Variants in API5 observed in about 807,000 individuals in gnomAD.
The protein encoded by API5 is apoptosis inhibitor 5, also known as FIF.
API5 carries 6 observed loss-of-function variants against 71.9 expected under a neutral mutation model. That is an observed-to-expected ratio of 0.08 (90% CI 0.05 to 0.16). The LOEUF (loss-of-function observed/expected upper bound fraction) is 0.16. Among genes scored for constraint, API5 ranks in the 10% least tolerant of loss-of-function variants. API5 has a pLI of 1.00. For missense variants in API5, 332 were observed against 612.8 expected (o/e 0.54, Z 4.84); for synonymous variants, 189 against 221.3 (o/e 0.85, Z 1.30).
At chr11:43,342,159 C>T (rs758408196) in intron 13 of API5, among the ~76,000 whole-genome samples, 6 of 152,124 alleles carry the variant, frequency 3.9e-5, no homozygotes, top group Admixed American at 2.6e-4. Context: ...GTGTAGTTAT[C>T]GTAACATCAC....
At chr11:43,338,952 G>C (rs1855525010) in intron 13 of API5, among the ~76,000 whole-genome samples, 1 of 152,102 alleles carries the variant, frequency 6.6e-6, no homozygotes. Flanking sequence ...GCCCACAAAA[G>C]GCTACTGCAC....
chr11:43,323,427 C>T lies in API5; in HGVS notation c.544-3C>T, dbSNP rs1483984872. ...CTCTTATTCTGAATTGTCTCTTTTC[C>T]AGGTCCTAGAAGATGTGACTGGTGA... On this transcript the variant is annotated splice_polypyrimidine_tract_variant and splice_region_variant and intron_variant, in intron 5 of 13. Transcript: ENST00000531273. 4 of 1,612,006 alleles carry T rather than the reference C, an allele frequency of 2.5e-6. No individual in the cohort carries two copies. Among genetic ancestry groups the T allele is most frequent in the African/African-American group, 1.3e-5 (1 of 74,966 alleles).
chr11:43,322,427 T>A (rs1854925912), intron 5 of API5, among the ~76,000 whole-genome samples: 1 of 152,148 alleles, frequency 6.6e-6, no homozygotes, highest in Admixed American at 6.5e-5. Flanking sequence ...CAGGAAACTT[T>A]CCCTAAGTCC....
intron 6 of API5, among the ~76,000 whole-genome samples, chr11:43,324,075 T>C (rs1854987349): frequency 6.6e-6 from 1 of 152,164 alleles, no homozygotes; most frequent in Admixed American, 6.5e-5. Flanking sequence ...TGGAGTGCAG[T>C]GGCACGATCT....
At chr11:43,312,242 C>T (rs780468837) in intron 1 of API5, 46 bp downstream of exon 1, 3 of 1,592,358 alleles carry the variant, frequency 1.9e-6, no homozygotes, top group East Asian at 2.3e-5. Flanking sequence ...CGCTCCGCGG[C>T]CTTTCGAAAG....
intron 4 of API5, 96 bp from the exon 5 acceptor site, chr11:43,321,889 A>G: frequency 7.9e-7 from 1 of 1,267,956 alleles, no homozygotes. Context: ...AAGTTCATTA[A>G]CTTATTTGAG....
chr11:43,312,241 G>T, intron 1 of API5, 45 bp downstream of exon 1: 1 of 1,594,292 alleles, frequency 6.3e-7, no homozygotes, highest in Non-Finnish European at 8.6e-7. Context: ...GCGCTCCGCG[G>T]CCTTTCGAAA....
chr11:43,318,916 T>C (rs904834257), intron 2 of API5, 115 bp downstream of exon 2: 4 of 1,071,022 alleles, frequency 3.7e-6, no homozygotes, highest in Non-Finnish European at 5.3e-6. Flanking sequence ...TATGGTATGG[T>C]CTGGCATGGC....
intron 13 of API5, among the ~76,000 whole-genome samples, chr11:43,338,976 C>T (rs1855525635): frequency 1.3e-5 from 2 of 152,244 alleles, no homozygotes; most frequent in South Asian, 4.2e-4. Flanking sequence ...CTTAATGCTC[C>T]CATAGTTACT....
intron 11 of API5, among the ~76,000 whole-genome samples, chr11:43,332,786 C>A (rs546716266): frequency 1.3e-5 from 2 of 152,144 alleles, no homozygotes; most frequent in East Asian, 1.9e-4. Flanking sequence ...ATAGATAAAC[C>A]TTTATTGGTG....
chr11:43,321,124 A>G (rs988526127), intron 3 of API5, among the ~76,000 whole-genome samples: 2 of 152,134 alleles, frequency 1.3e-5, no homozygotes, highest in African/African-American at 4.8e-5. Flanking sequence ...TCCGTTATGA[A>G]GGTGTAATGA....
At chr11:43,334,695 C>G (rs1433007485) in intron 11 of API5, among the ~76,000 whole-genome samples, 1 of 152,118 alleles carries the variant, frequency 6.6e-6, no homozygotes, top group African/African-American at 2.4e-5. Context: ...CATTTGCATT[C>G]CTACCACTTT....
intron 4 of API5, 91 bp from the exon 5 acceptor site, chr11:43,321,894 T>C: frequency 7.7e-7 from 1 of 1,300,348 alleles, no homozygotes; most frequent in Non-Finnish European, 1.1e-6. Flanking sequence ...CATTAACTTA[T>C]TTGAGAAGAA....
chr11:43,326,498 T>C lies in API5; in HGVS notation c.751-9T>C. On this transcript the variant is annotated splice_polypyrimidine_tract_variant and intron_variant, in intron 6 of 13. Transcript: ENST00000531273. ...TTTCGACAATGCATTTTCTTTGGAT[T>C]TCTTACAGAAAAATGTCCATTCCAC... 6.4e-7 allele frequency: 1 copy of C among 1,567,686 alleles called. No homozygotes were observed. Among genetic ancestry groups the C allele is most frequent in the Non-Finnish European group, 8.7e-7 (1 of 1,145,886 alleles).
intron 10 of API5, chr11:43,330,286 C>T: frequency 3.3e-6 from 2 of 615,264 alleles, no homozygotes; most frequent in Non-Finnish European, 5.7e-6. Flanking sequence ...ACATTCTAAC[C>T]TGTCAAGGGA....
intron 1 of API5, among the ~76,000 whole-genome samples, chr11:43,313,478 C>G (rs1209435458): frequency 6.6e-6 from 1 of 152,144 alleles, no homozygotes; most frequent in African/African-American, 2.4e-5. Flanking sequence ...GCTTACGCAT[C>G]CCTTCTTGGA....
rs566600797 is a variant in API5 at position 43,344,048 on chromosome 11, A to G, written c.*1538A>G. ...GTCAGCTTGGCTATGGAGTGGTGGC[A>G]ATAATCTCTAAACATTCCAAAAGAC... On this transcript the variant is annotated 3_prime_UTR_variant, in exon 14 of 14. Transcript: ENST00000531273. 6 of 152,636 alleles carry G rather than the reference A, an allele frequency of 3.9e-5. No homozygotes were observed. Among genetic ancestry groups the G allele is most frequent in the Non-Finnish European group, 5.9e-5 (4 of 68,036 alleles). The allele number at this position is 152,636 out of a possible 1,614,324, so 9.5% of individuals were successfully genotyped here.
intron 1 of API5, among the ~76,000 whole-genome samples, chr11:43,312,600 G>T (rs181493474): frequency 2.0e-4 from 31 of 152,136 alleles, no homozygotes; most frequent in African/African-American, 7.5e-4. Flanking sequence ...TTTTTTTTGG[G>T]GGGGAGGCAA....
chr11:43,323,400 T>G (rs373110615), intron 5 of API5, 30 bp from the exon 6 acceptor site: 4 of 1,560,358 alleles, frequency 2.6e-6, no homozygotes, highest in Non-Finnish European at 3.5e-6. Flanking sequence ...ATGATGAACA[T>G]ACTCTTATTC....
Sources: gnomAD v4.1 joint callset for allele counts (sites outside exome capture counted in the v4.1 genomes callset) on GRCh38, gnomAD v4.1.1 for gene constraint, MANE v1.5 for transcripts, NCBI Gene and HGNC (gene_info 2026-07-23, HGNC 2026-07-21) for gene names.